NCAM1: variants seen among roughly 807,000 people sequenced by gnomAD.
The protein encoded by NCAM1 is neural cell adhesion molecule 1, also known as antigen recognized by monoclonal antibody 5.1H11.
In NCAM1, 14 loss-of-function variants were observed where a neutral mutation model predicts 109.8. The ratio of observed to expected loss-of-function variants is 0.13; its 90% confidence interval spans 0.08 to 0.20. The LOEUF is 0.20. Among genes scored for constraint, NCAM1 ranks in the 10% least tolerant of loss-of-function variants. The pLI is 1.00. For synonymous variants in NCAM1, 418 were observed against 442.9 expected (o/e 0.94, Z 0.70); for missense variants, 774 against 1,109.9 (o/e 0.70, Z 4.30).
chr11:113,198,373 A>C (rs1334417189), intron 1 of NCAM1, among the ~76,000 whole-genome samples: 4 of 144,550 alleles, frequency 2.8e-5, no homozygotes, highest in Non-Finnish European at 4.6e-5. Flanking sequence ...TGATATTAGA[A>C]TTTTTTTTTT....
intron 1 of NCAM1, among the ~76,000 whole-genome samples, chr11:113,166,386 C>T (rs1266717314): frequency 1.3e-5 from 2 of 152,198 alleles, no homozygotes; most frequent in Non-Finnish European, 1.5e-5. Flanking sequence ...TGCTACCTGT[C>T]TCCACGTCAG....
intron 1 of NCAM1, among the ~76,000 whole-genome samples, chr11:113,104,202 T>TG (rs1565438460): frequency 3.9e-4 from 1 of 2,552 alleles, no homozygotes; most frequent in Admixed American, 4.1e-3. Context: ...GAAGAGGAGG[T>TG]GGGGTGGGGG....
In NCAM1 at chr11:113,273,144, G is replaced by C. The variant is rs1946321428; in HGVS notation, c.2456+1268G>C. ...GGCTGGCCAGGCCACCCCTTCCAAG[G>C]GGCCCAGCGCCTCTGCCCCCTCCCC... On this transcript the variant is annotated intron_variant, in intron 19 of 19. Transcript: ENST00000316851. The surrounding 1 kb of genome is among the most constrained non-coding windows in gnomAD (Gnocchi z 6.0). 2.3e-6 allele frequency: 1 copy of C among 441,570 alleles called. No homozygotes were observed. The highest frequency in any genetic ancestry group is 2.4e-5 in the Admixed American group (1 of 41,872). 27.4% of individuals were successfully genotyped at this position (441,570 alleles called of 1,614,324 possible).
intron 8 of NCAM1, among the ~76,000 whole-genome samples, chr11:113,218,150 C>A (rs1446720295): frequency 6.6e-6 from 1 of 152,236 alleles, no homozygotes; most frequent in Non-Finnish European, 1.5e-5. Flanking sequence ...CTTCCCAATG[C>A]AGTCGTCATC....
chr11:113,134,237 T>G (rs1941516179), intron 1 of NCAM1, among the ~76,000 whole-genome samples: 1 of 152,248 alleles, frequency 6.6e-6, no homozygotes, highest in Admixed American at 6.5e-5. Flanking sequence ...CACATAGTAT[T>G]TGTCTTTTTA....
intron 1 of NCAM1, among the ~76,000 whole-genome samples, chr11:113,030,049 T>A (rs1386955363): frequency 4.6e-5 from 6 of 129,134 alleles, no homozygotes; most frequent in African/African-American, 1.6e-4. Flanking sequence ...GGGGTTGGTG[T>A]TATCTTTATT....
At chr11:113,079,079 C>T (rs1356484214) in intron 1 of NCAM1, among the ~76,000 whole-genome samples, 1 of 152,038 alleles carries the variant, frequency 6.6e-6, no homozygotes, top group Non-Finnish European at 1.5e-5. Context: ...TGGAGGGGCA[C>T]CCGTGGCCTC....
At chr11:112,976,816 T>G (rs191721487) in intron 1 of NCAM1, among the ~76,000 whole-genome samples, 185 of 152,036 alleles carry the variant, frequency 1.2e-3, no homozygotes, top group African/African-American at 3.9e-3. Context: ...ATCTAACATT[T>G]TATCTTAAAA....
chr11:113,075,994 T>C (rs139340192), intron 1 of NCAM1, among the ~76,000 whole-genome samples: 1 of 152,290 alleles, frequency 6.6e-6, no homozygotes, highest in African/African-American at 2.4e-5. Context: ...GAATTTCAGA[T>C]ACTAAAAGAA....
chr11:113,208,132 C>T, intron 7 of NCAM1, 130 bp downstream of exon 7: 6 of 1,098,816 alleles, frequency 5.5e-6, no homozygotes, highest in Non-Finnish European at 3.9e-6. Flanking sequence ...TTGCCAGTTC[C>T]ACCACCTAGT....
intron 1 of NCAM1, among the ~76,000 whole-genome samples, chr11:112,987,411 T>C (rs537716234): frequency 1.3e-5 from 2 of 152,300 alleles, no homozygotes; most frequent in East Asian, 3.9e-4. Flanking sequence ...TGAGTTGGTC[T>C]CATGTGTAGC....
At chr11:113,112,049 A>G (rs1397168295) in intron 1 of NCAM1, among the ~76,000 whole-genome samples, 2 of 152,176 alleles carry the variant, frequency 1.3e-5, no homozygotes, top group Admixed American at 6.5e-5. Context: ...TCGGTTGCCT[A>G]AGGTAATGTC....
chr11:113,231,505 G>A, intron 9 of NCAM1, 140 bp from the exon 10 acceptor site: 2 of 971,064 alleles, frequency 2.1e-6, no homozygotes, highest in Non-Finnish European at 3.0e-6. Flanking sequence ...GAAAGCCATT[G>A]ACACAGAGAG....
At chr11:113,025,119 C>A (rs1235959953) in intron 1 of NCAM1, among the ~76,000 whole-genome samples, 2 of 152,106 alleles carry the variant, frequency 1.3e-5, no homozygotes, top group Admixed American at 1.3e-4. Context: ...ATTTAGTATG[C>A]AAATCACCAG....
chr11:112,978,142 T>C (rs1353686543), intron 1 of NCAM1, among the ~76,000 whole-genome samples: 1 of 151,782 alleles, frequency 6.6e-6, no homozygotes, highest in African/African-American at 2.4e-5. Flanking sequence ...TTTGTAAGCA[T>C]TTTCTCCTTG....
intron 1 of NCAM1, among the ~76,000 whole-genome samples, chr11:113,139,586 G>A (rs1029563280): frequency 6.6e-6 from 1 of 151,800 alleles, no homozygotes; most frequent in South Asian, 2.1e-4. Context: ...ATATTTTCAC[G>A]GCCCTTAATT....
chr11:113,067,864 T>A (rs572832213), intron 1 of NCAM1, among the ~76,000 whole-genome samples: 1 of 152,114 alleles, frequency 6.6e-6, no homozygotes, highest in South Asian at 2.1e-4. Flanking sequence ...CTGACCCTGT[T>A]AATGCATGCA....
Position 113,273,248 on chromosome 11 carries a change from T to G in NCAM1, c.2456+1372T>G, listed in dbSNP as rs1565543427. 1 of 346,250 alleles carries G rather than the reference T, an allele frequency of 2.9e-6. No individual in the cohort carries two copies. The highest frequency in any genetic ancestry group is 5.6e-6 in the Non-Finnish European group (1 of 179,532). 21.4% of individuals were successfully genotyped at this position (346,250 alleles called of 1,614,324 possible). ...CGACCTCAACCCCTGCCGCTAGCAA[T>G]TTGTCTTCTAGTGTCCTGGCTAACC... On this transcript the variant is annotated intron_variant, in intron 19 of 19. Transcript: ENST00000316851. This position sits in a 1 kb window ranked among gnomAD's most constrained non-coding sequence, Gnocchi z 6.0.
intron 1 of NCAM1, among the ~76,000 whole-genome samples, chr11:113,120,705 G>A (rs1388227280): frequency 6.6e-6 from 1 of 152,180 alleles, no homozygotes; most frequent in Admixed American, 6.5e-5. Context: ...CAAAAGACAG[G>A]TTAACAAGAG....
Sources: gnomAD v4.1 joint callset for allele counts (sites outside exome capture counted in the v4.1 genomes callset) on GRCh38, gnomAD v4.1.1 for gene constraint, Gnocchi (gnomAD v3.1) non-coding constraint, MANE v1.5 for transcripts, NCBI Gene and HGNC (gene_info 2026-07-23, HGNC 2026-07-21) for gene names.